The following CACNG3 variants were observed in gnomAD, a reference collection of about 807,000 sequenced individuals.
The protein encoded by CACNG3 is calcium voltage-gated channel auxiliary subunit gamma 3, also known as voltage-dependent calcium channel gamma-3 subunit.
A neutral mutation model predicts 28.5 loss-of-function variants in CACNG3; 3 were observed. The observed-to-expected ratio is 0.11, with a 90% CI of 0.05 to 0.27. The LOEUF is 0.27. Among genes scored for constraint, CACNG3 ranks in the 10% least tolerant of loss-of-function variants. The probability of loss-of-function intolerance (pLI) is 1.00; values close to 1 mark genes in which losing one functional copy is unlikely to be tolerated. For synonymous variants in CACNG3, 174 were observed against 162.2 expected, an observed-to-expected ratio of 1.07 and a Z score of -0.55; for missense variants, 236 against 414.4, an observed-to-expected ratio of 0.57 and a Z score of 3.74.
chr16:24,280,764 C>T (rs1898814274), intron 1 of CACNG3, among the ~76,000 whole-genome samples: 1 of 131,756 alleles, frequency 7.6e-6, no homozygotes, highest in African/African-American at 2.9e-5. Context: ...TGTAGTGAGC[C>T]GAGATCAAGA....
intron 1 of CACNG3, among the ~76,000 whole-genome samples, chr16:24,317,556 AAG>A (rs1358795218): frequency 5.8e-5 from 1 of 17,260 alleles, no homozygotes; most frequent in South Asian, 2.8e-3. Context: ...AAAAAAGAAA[AAG>A]AAAGAAAGAA....
intron 3 of CACNG3, among the ~76,000 whole-genome samples, chr16:24,357,048 A>G (rs1900041433): frequency 6.6e-6 from 1 of 152,060 alleles, no homozygotes; most frequent in Non-Finnish European, 1.5e-5. Flanking sequence ...AATCCTGGCC[A>G]ACGTGGTGAA....
intron 1 of CACNG3, among the ~76,000 whole-genome samples, chr16:24,273,389 C>T (rs937764533): frequency 2.0e-5 from 3 of 152,160 alleles, no homozygotes; most frequent in Non-Finnish European, 4.4e-5. Context: ...TTTAAAATAA[C>T]GCACATCTTC....
intron 1 of CACNG3, among the ~76,000 whole-genome samples, chr16:24,330,349 A>T (rs1195861365): frequency 6.6e-6 from 1 of 152,202 alleles, no homozygotes. Context: ...AAGAGGAAAT[A>T]ACCCTCCCCA....
intron 1 of CACNG3, among the ~76,000 whole-genome samples, chr16:24,311,233 AAGTGCG>A (rs1274828395): frequency 6.6e-6 from 1 of 152,128 alleles, no homozygotes; most frequent in African/African-American, 2.4e-5. Context: ...AAAAAGTACC[AAGTGCG>A]GTGGCTCACG....
intron 1 of CACNG3, among the ~76,000 whole-genome samples, chr16:24,301,892 G>A (rs1899117663): frequency 6.6e-6 from 1 of 152,118 alleles, no homozygotes; most frequent in Non-Finnish European, 1.5e-5. Flanking sequence ...GTCCATAGCT[G>A]TATTTCCTTT....
At chr16:24,319,247 C>A (rs908304769) in intron 1 of CACNG3, among the ~76,000 whole-genome samples, 20 of 152,016 alleles carry the variant, frequency 1.3e-4, no homozygotes, top group African/African-American at 4.1e-4. Flanking sequence ...GTGAACTATG[C>A]GCATATTTAG....
At chr16:24,320,862 T>A (rs1899446127) in intron 1 of CACNG3, among the ~76,000 whole-genome samples, 1 of 152,154 alleles carries the variant, frequency 6.6e-6, no homozygotes, top group African/African-American at 2.4e-5. Context: ...CCCGATTAGC[T>A]GGGACCACAG....
intron 1 of CACNG3, among the ~76,000 whole-genome samples, chr16:24,265,712 A>T (rs2141345140): frequency 6.6e-6 from 1 of 152,374 alleles, no homozygotes; most frequent in Middle Eastern, 3.4e-3. Context: ...ATTTCATGAC[A>T]AATAAAAAAG....
chr16:24,269,746 C>CAAAAA (rs1163565728), intron 1 of CACNG3, among the ~76,000 whole-genome samples: 137 of 71,028 alleles, frequency 1.9e-3, no homozygotes, highest in African/African-American at 2.1e-3. Flanking sequence ...GACTCCATCT[C>CAAAAA]AAAAAAAAAA....
chr16:24,317,025 C>A (rs190052999), intron 1 of CACNG3, among the ~76,000 whole-genome samples: 3 of 152,110 alleles, frequency 2.0e-5, no homozygotes, highest in Admixed American at 2.0e-4. Context: ...CATCATGACA[C>A]CAGTTTCCTA....
chr16:24,346,712 G>A (rs1002029917), intron 1 of CACNG3, 22 bp from the exon 2 acceptor site: 6 of 1,598,618 alleles, frequency 3.8e-6, no homozygotes, highest in Non-Finnish European at 5.1e-6. Flanking sequence ...CCCAGGCTCA[G>A]AACCCTTATC....
chr16:24,327,759 T>C (rs767172008), intron 1 of CACNG3, among the ~76,000 whole-genome samples: 13 of 151,804 alleles, frequency 8.6e-5, no homozygotes, highest in East Asian at 2.0e-4. Context: ...CTGGGCAACA[T>C]AGTGAGACCA....
chr16:24,326,196 A>G lies in CACNG3; in HGVS notation c.212-20538A>G, dbSNP rs182817096. 1.1e-3 allele frequency among the ~76,000 whole-genome samples: 150 copies of G among 138,646 alleles called. 2 individuals are homozygous for G. The East Asian group carries it at 0.029, about 27-fold the overall frequency. 91.0% of individuals were successfully genotyped at this position (138,646 alleles called of 152,430 possible). On this transcript the variant is annotated intron_variant, in intron 1 of 3. Coordinates refer to ENST00000005284, the MANE Select transcript of CACNG3 (RefSeq NM_006539.4). ...TTTCTTTTTTTTTTTTTTGAGATGG[A>G]GTTTCGCTCTTGTTGCCCAGACTAG...
rs371728578 is a variant in CACNG3 at position 24,256,712 on chromosome 16, C to G, written c.-43C>G. ...GTGATTTTCCCCTCCGGCACTGACT[C>G]TCCCCCTCCAACCCCCAGCCGTCCA... On this transcript the variant is annotated 5_prime_UTR_variant, in exon 1 of 4. Transcript: ENST00000005284. This position sits in a 1 kb window ranked among gnomAD's most constrained non-coding sequence, Gnocchi z 4.6. 1 of 1,353,984 alleles carries G rather than the reference C, an allele frequency of 7.4e-7. No homozygotes were observed. The highest frequency in any genetic ancestry group is 1.4e-5 in the African/African-American group (1 of 70,064). The allele number at this position is 1,353,984 out of a possible 1,614,324, so 83.9% of individuals were successfully genotyped here. A position where few individuals can be genotyped will look rare whatever the true frequency, so the allele number is the denominator to read the frequency against.
intron 1 of CACNG3, among the ~76,000 whole-genome samples, chr16:24,291,634 G>A (rs1395251559): frequency 2.6e-5 from 4 of 152,150 alleles, no homozygotes. Flanking sequence ...ATGGTTAGGA[G>A]CATGGTATAG....
chr16:24,265,025 GC>G (rs1434968760), intron 1 of CACNG3, among the ~76,000 whole-genome samples: 8 of 152,174 alleles, frequency 5.3e-5, no homozygotes, highest in African/African-American at 1.9e-4. Context: ...GATCACTTGA[GC>G]CCCAAAGTTT....
chr16:24,323,958 G>C (rs1899500402), intron 1 of CACNG3, among the ~76,000 whole-genome samples: 1 of 152,120 alleles, frequency 6.6e-6, no homozygotes, highest in South Asian at 2.1e-4. Context: ...AGTTGAGATG[G>C]GGTTTCACCA....
intron 1 of CACNG3, among the ~76,000 whole-genome samples, chr16:24,305,320 ATGTGTGTGTGTGTGTGTGTG>A (rs57584370): frequency 3.6e-4 from 49 of 136,136 alleles, no homozygotes; most frequent in Admixed American, 6.3e-4. Context: ...ATACATAAAT[ATGTGTGTGTGTGTGTGTGTG>A]TGTGTGTGTG....
Sources: gnomAD v4.1 joint callset for allele counts (sites outside exome capture counted in the v4.1 genomes callset) on GRCh38, gnomAD v4.1.1 for gene constraint, Gnocchi (gnomAD v3.1) non-coding constraint, MANE v1.5 for transcripts, NCBI Gene and HGNC (gene_info 2026-07-23, HGNC 2026-07-21) for gene names.